The following EMD variants were observed in gnomAD, a reference collection of about 807,000 sequenced individuals.
The protein encoded by EMD is LEM domain containing 5.
Under a neutral mutation model 15.2 loss-of-function variants are expected in EMD, and 2 were observed. That is an observed-to-expected ratio of 0.13 (90% CI 0.05 to 0.41). EMD has a LOEUF of 0.41. Among genes scored for constraint, EMD ranks in the 10% least tolerant of loss-of-function variants. The pLI is 0.99. For missense variants in EMD, 224 were observed against 213.4 expected (o/e 1.05, Z -0.31); for synonymous variants, 122 against 86.2 (o/e 1.42, Z -2.30).
Position 154,380,521 on chromosome X carries a change from C to T in EMD, c.399+154C>T, listed in dbSNP as rs180685808. 25 of 962,095 alleles carry T rather than the reference C, an allele frequency of 2.6e-5. No homozygotes were observed. In the South Asian group the frequency reaches 3.6e-4, roughly 14 times the overall value. 79.3% of individuals were successfully genotyped at this position (962,095 alleles called of 1,213,427 possible). ...AGAGCACCCTGGTCTGGGATCTAGGCTCAGACTCTTCCTGAGAGTCCTGGG... is the reference window on the plus strand; with the variant it reads ...AGAGCACCCTGGTCTGGGATCTAGGTTCAGACTCTTCCTGAGAGTCCTGGG... On this transcript the variant is annotated intron_variant, in intron 4 of 5. Transcript: ENST00000369842.
Position 154,380,288 on chromosome X carries a change from A to T in EMD, c.320A>T (p.Glu107Val), listed in dbSNP as rs2067879715. ...ESYFTTRTYG[E>V]PESAGPSRAV... ...TACTTCACCACCAGGACTTATGGGG[A>T]GCCCGAGTCTGCCGGCCCGTCCAGG... is the stretch of plus-strand genomic sequence containing the variant. Residue 107 changes from glutamate to valine, a missense_variant, in exon 4 of 6, where the codon GAG becomes GTG. Transcript: ENST00000369842. 6 of 1,211,335 alleles carry T rather than the reference A, an allele frequency of 5.0e-6. No homozygotes were observed. The highest frequency in any genetic ancestry group is 6.7e-6 in the Non-Finnish European group (6 of 895,537).
At position 154,379,733 on chromosome X, in the gene EMD, G is replaced by A. The variant is rs1266683844; in HGVS notation, c.126G>A (p.Glu42=). 1 of 1,207,620 alleles carries A rather than the reference G, an allele frequency of 8.3e-7. No individual in the cohort carries two copies. The highest frequency in any genetic ancestry group is 1.1e-6 in the Non-Finnish European group (1 of 894,527). The change falls in exon 2 of 6, where the codon GAG becomes GAA. Residue 42 remains glutamate (E), a synonymous_variant. Coordinates refer to ENST00000369842, the MANE Select transcript of EMD (RefSeq NM_000117.3). ...ACGAGAAGAAGATCTTCGAGTACGAGACCCAGAGGCGGCGGCTCTCGCCCC... is the reference window on the plus strand; with the variant it reads ...ACGAGAAGAAGATCTTCGAGTACGAAACCCAGAGGCGGCGGCTCTCGCCCC... ...RLYEKKIFEY[E]TQRRRLSPPS...
intron 4 of EMD, 162 bp downstream of exon 4, chrX:154,380,529 C>CAGG (rs2067881194): frequency 1.1e-6 from 1 of 939,388 alleles, no homozygotes; most frequent in South Asian, 2.1e-5. Context: ...GGCTCAGACT[C>CAGG]TTCCTGAGAG....
Position 154,381,516 on chromosome X carries a change from AT to A in EMD, c.*322del. On this transcript the variant is annotated 3_prime_UTR_variant, in exon 6 of 6. Coordinates refer to ENST00000369842, the MANE Select transcript of EMD (RefSeq NM_000117.3). ...TGGACACACAATAAAAGCCCCGTTT[AT>A]TTGTAATGCGTTGGCTCTTCCTGGA... is the stretch of plus-strand genomic sequence containing the variant. 1 of 275,240 alleles carries A rather than the reference AT, an allele frequency of 3.6e-6. No individual in the cohort carries two copies. Among genetic ancestry groups the A allele is most frequent in the Non-Finnish European group, 6.4e-6 (1 of 155,648 alleles). The allele number at this position is 275,240 out of a possible 1,213,427, so 22.7% of individuals were successfully genotyped here.
intron 4 of EMD, 165 bp downstream of exon 4, chrX:154,380,532 C>T (rs1289534751): frequency 2.2e-5 from 20 of 911,510 alleles, no homozygotes; most frequent in Non-Finnish European, 2.8e-5. Context: ...TCAGACTCTT[C>T]CTGAGAGTCC....
chrX:154,381,051 CG>C lies in EMD; in HGVS notation c.621del (p.Pro208LeufsTer29), dbSNP rs1557182670. The C allele has an allele frequency of 8.3e-7, 1 of 1,210,868 alleles. No individual in the cohort carries two copies. Among genetic ancestry groups the C allele is most frequent in the Non-Finnish European group, 1.1e-6 (1 of 895,361 alleles). ...SSSWLTRRAIRPENRAPGAGL... is the reference protein window; with the variant it reads ...SSSWLTRRAIXPENRAPGAGL... ...TTCATGGCTCACCCGCCGTGCCATC[CG>C]GCCTGAAAACCGTGCTCCTGGGGCT... On this transcript the variant is annotated frameshift_variant, in exon 6 of 6. Transcript: ENST00000369842. LOFTEE classifies it high-confidence loss of function.
In EMD at chrX:154,380,418, G is replaced by A. The variant is rs782669846; in HGVS notation, c.399+51G>A. The stretch of plus-strand genomic sequence containing the variant: ...ACTTGGGTACAACCTAGGGGATCGC[G>A]GCTGTGTTTGGATAAATCCAGGGGG... On this transcript the variant is annotated intron_variant, in intron 4 of 5. Coordinates refer to ENST00000369842, the MANE Select transcript of EMD (RefSeq NM_000117.3). 1.2e-5 allele frequency: 15 copies of A among 1,207,757 alleles called. No individual in the cohort carries two copies. In the South Asian group the frequency reaches 1.8e-4, roughly 14 times the overall value.
At position 154,380,004 on chromosome X, in the gene EMD, C is replaced by G; in HGVS notation, c.250C>G (p.Leu84Val). The change falls in exon 3 of 6, where the codon CTC becomes GTC. Residue 84 changes from leucine (L) to valine (V), a missense_variant. Transcript: ENST00000369842. ...TCTTCCCAAGAAAGAGGACGCTTTA[C>G]TCTACCAGAGCAAGGGTAAGGCAGG... The part of the protein sequence containing the change: ...YDLPKKEDAL[L>V]YQSKGYNDDY... 1.7e-6 allele frequency: 2 copies of G among 1,211,721 alleles called. No homozygotes were observed. Among genetic ancestry groups the G allele is most frequent in the Non-Finnish European group, 2.2e-6 (2 of 895,238 alleles).
At position 154,380,378 on chromosome X, in the gene EMD, TGGCA is replaced by T; in HGVS notation, c.399+15_399+18del. 1.7e-6 allele frequency: 2 copies of T among 1,211,340 alleles called. No homozygotes were observed. The highest frequency in any genetic ancestry group is 2.2e-6 in the Non-Finnish European group (2 of 895,571). ...GCTTTCCATCACCAGGTGAGCTGGCTGGCAGGCGTCCTGTACTTGGGTACAACCT... is the reference window on the plus strand; with the variant it reads ...GCTTTCCATCACCAGGTGAGCTGGCTGGCGTCCTGTACTTGGGTACAACCT... On this transcript the variant is annotated intron_variant, in intron 4 of 5. Transcript: ENST00000369842.
chrX:154,379,836 G>A lies in EMD; in HGVS notation c.187+42G>A, dbSNP rs782326824. 153 of 1,182,561 alleles carry A rather than the reference G, an allele frequency of 1.3e-4. 2 individuals are homozygous for A. In the East Asian group the frequency reaches 2.7e-3, roughly 21 times the overall value. On this transcript the variant is annotated intron_variant, in intron 2 of 5. Transcript: ENST00000369842. Reference sequence around the variant, plus strand: ...TGGGGACAGCCTGGGACGCGGGGAGGATGGGGTCGCGAGGGTGTGGCAGGG... The same window carrying A: ...TGGGGACAGCCTGGGACGCGGGGAGAATGGGGTCGCGAGGGTGTGGCAGGG...
chrX:154,379,594 C>G (rs1253634873), intron 1 of EMD, 28 bp downstream of exon 1: 4 of 1,174,055 alleles, frequency 3.4e-6, no homozygotes, highest in Non-Finnish European at 4.6e-6. Flanking sequence ...GGACCCCTTC[C>G]GGGCCCCCTC....
intron 2 of EMD, 62 bp from the exon 3 acceptor site, chrX:154,379,880 A>T: frequency 8.5e-7 from 1 of 1,183,397 alleles, no homozygotes; most frequent in Non-Finnish European, 1.1e-6. Context: ...CGAGAGCGGC[A>T]CTGGAGAAAG....
chrX:154,380,183 C>T (rs1569552086), intron 3 of EMD, 51 bp from the exon 4 acceptor site: 1 of 1,205,097 alleles, frequency 8.3e-7, no homozygotes, highest in Non-Finnish European at 1.1e-6. Flanking sequence ...GCCATCAGGC[C>T]AGGCGGGGCA....
At position 154,380,990 on chromosome X, in the gene EMD, C is replaced by T. The variant is rs2148128859; in HGVS notation, c.558C>T (p.Ser186=). 2 of 1,211,712 alleles carry T rather than the reference C, an allele frequency of 1.7e-6. No individual in the cohort carries two copies. Among genetic ancestry groups the T allele is most frequent in the Non-Finnish European group, 2.2e-6 (2 of 895,513 alleles). Residue 186 remains serine (S), a synonymous_variant, in exon 6 of 6, where the codon TCC becomes TCT. Transcript: ENST00000369842. The part of the protein sequence containing the change: ...SLDLSYYPTS[S]STSFMSSSSS... ...ACCTGTCCTATTATCCTACTTCCTC[C>T]TCCACCTCTTTTATGTCCTCCTCAT...
Position 154,379,413 on chromosome X carries a change from C to T in EMD, c.-72C>T. 2 of 1,095,084 alleles carry T rather than the reference C, an allele frequency of 1.8e-6. No homozygotes were observed. Among genetic ancestry groups the T allele is most frequent in the South Asian group, 4.0e-5 (2 of 50,587 alleles). 90.2% of individuals were successfully genotyped at this position (1,095,084 alleles called of 1,213,427 possible). A position where few individuals can be genotyped will look rare whatever the true frequency, so the allele number is the denominator to read the frequency against. ...CTCGTGCCGCCCCCGCCGTGCTCCT[C>T]GGCAGCCGTTGCTCGGCCGGTTTTG... On this transcript the variant is annotated 5_prime_UTR_variant, in exon 1 of 6. Transcript: ENST00000369842.
rs2067882908 is a variant in EMD, at chrX:154,380,786, G to A, written c.433G>A (p.Glu145Lys). 4 of 1,212,129 alleles carry A rather than the reference G, an allele frequency of 3.3e-6. No individual in the cohort carries two copies. Among genetic ancestry groups the A allele is most frequent in the Non-Finnish European group, 4.5e-6 (4 of 895,611 alleles). Reference protein sequence around the residue: ...HDDDLLSSSEEECKDRERPMY... With the variant: ...HDDDLLSSSEKECKDRERPMY... The stretch of plus-strand genomic sequence containing the variant: ...TGACGATCTTTTGTCTTCTTCTGAA[G>A]AGGAGTGCAAGGATAGGTGCGTAGT... The change falls in exon 5 of 6, where the codon GAG becomes AAG. Residue 145 changes from glutamate to lysine, a missense_variant. Transcript: ENST00000369842.
rs1267603257 is a variant in EMD at position 154,381,104 on chromosome X, G to A, written c.672G>A (p.Pro224=). ...GGCTGGGCCAGGATCGCCAGGTCCC[G>A]CTCTGGGGCCAGCTGCTGCTTTTCC... ...GAGLGQDRQV[P]LWGQLLLFLV... The change falls in exon 6 of 6, where the codon CCG becomes CCA. Residue 224 remains proline (P), a synonymous_variant. Coordinates refer to ENST00000369842, the MANE Select transcript of EMD (RefSeq NM_000117.3). 3.3e-5 allele frequency: 40 copies of A among 1,210,473 alleles called. No homozygotes were observed. Among genetic ancestry groups the A allele is most frequent in the East Asian group, 8.9e-5 (3 of 33,792 alleles).
At chrX:154,380,567 C>A in intron 4 of EMD, 186 bp from the exon 5 acceptor site, 3 of 840,606 alleles carry the variant, frequency 3.6e-6, no homozygotes, top group Non-Finnish European at 3.4e-6. Flanking sequence ...GATGCTGGGG[C>A]ATGAGCACAA....
At chrX:154,380,830 G>A (rs1156915429) in intron 5 of EMD, 28 bp downstream of exon 5, 1 of 1,210,443 alleles carries the variant, frequency 8.3e-7, no homozygotes, top group African/African-American at 1.7e-5. Context: ...CCAGGGACGG[G>A]CTGGTTCTGG....
Sources: allele counts gnomAD v4.1 joint callset, GRCh38; gene constraint gnomAD v4.1.1; transcripts MANE v1.5; gene names NCBI Gene and HGNC (gene_info 2026-07-23, HGNC 2026-07-21).